PIP5K1B: variants seen among roughly 807,000 people sequenced by gnomAD.
The protein encoded by PIP5K1B is phosphatidylinositol-4-phosphate 5-kinase type 1 beta.
A neutral mutation model predicts 67.0 loss-of-function variants in PIP5K1B; 42 were observed. That is an observed-to-expected ratio of 0.63 (90% CI 0.49 to 0.81). PIP5K1B has a LOEUF of 0.81. Ranked by LOEUF, PIP5K1B falls within the 30% of genes least tolerant of loss-of-function variation. PIP5K1B has a pLI of 0.00. For synonymous variants in PIP5K1B, 214 were observed against 231.4 expected (o/e 0.92, Z 0.68); for missense variants, 459 against 646.3 (o/e 0.71, Z 3.14).
At chr9:68,898,340 G>C (rs1324539027) in intron 8 of PIP5K1B, among the ~76,000 whole-genome samples, 1 of 152,160 alleles carries the variant, frequency 6.6e-6, no homozygotes, top group Admixed American at 6.5e-5. Flanking sequence ...AAATGGATAT[G>C]TAAATGATGA....
intron 7 of PIP5K1B, among the ~76,000 whole-genome samples, chr9:68,893,764 A>G (rs1034404540): frequency 7.9e-5 from 12 of 152,254 alleles, no homozygotes; most frequent in African/African-American, 2.9e-4. Flanking sequence ...AAAAATGAGC[A>G]AAATTATCTT....
chr9:68,986,042 T>C (rs1190746246), intron 14 of PIP5K1B, among the ~76,000 whole-genome samples: 4 of 152,256 alleles, frequency 2.6e-5, no homozygotes, highest in Admixed American at 6.5e-5. Context: ...CTGGCTACTA[T>C]GAATAATGCT....
chr9:68,994,868 T>C (rs1209337735), intron 15 of PIP5K1B, among the ~76,000 whole-genome samples: 1 of 152,120 alleles, frequency 6.6e-6, no homozygotes, highest in South Asian at 2.1e-4. Context: ...AGGTTCATTC[T>C]AAATTACAAA....
At chr9:68,970,756 T>G (rs1407719959) in intron 14 of PIP5K1B, among the ~76,000 whole-genome samples, 1 of 152,240 alleles carries the variant, frequency 6.6e-6, no homozygotes, top group African/African-American at 2.4e-5. Flanking sequence ...GCGATTTTTC[T>G]GGGGTCCCAC....
intron 2 of PIP5K1B, among the ~76,000 whole-genome samples, chr9:68,766,850 T>C (rs1022215803): frequency 2.0e-5 from 3 of 152,134 alleles, no homozygotes; most frequent in African/African-American, 7.2e-5. Context: ...ACTATGGAGA[T>C]AGGTGAAGTA....
intron 2 of PIP5K1B, among the ~76,000 whole-genome samples, chr9:68,759,120 C>G (rs1830073260): frequency 6.6e-6 from 1 of 151,862 alleles, no homozygotes; most frequent in African/African-American, 2.4e-5. Context: ...GGAAATGATG[C>G]CAGAAAAGAA....
intron 2 of PIP5K1B, among the ~76,000 whole-genome samples, chr9:68,797,941 G>T (rs529223741): frequency 3.3e-5 from 5 of 152,274 alleles, no homozygotes; most frequent in Non-Finnish European, 7.4e-5. Context: ...AAATAGATAC[G>T]CTGTAAGAGA....
At chr9:68,880,193 G>T (rs1824110898) in intron 6 of PIP5K1B, among the ~76,000 whole-genome samples, 1 of 152,198 alleles carries the variant, frequency 6.6e-6, no homozygotes. Context: ...GTTGACGCTG[G>T]AAGATAGATA....
intron 4 of PIP5K1B, among the ~76,000 whole-genome samples, chr9:68,826,716 G>A (rs1036936122): frequency 1.3e-5 from 2 of 152,084 alleles, no homozygotes; most frequent in South Asian, 2.1e-4. Context: ...GACCCAAATC[G>A]GTGTTGAGTA....
chr9:69,001,494 AG>A (rs2133026353), intron 15 of PIP5K1B, among the ~76,000 whole-genome samples: 1 of 152,318 alleles, frequency 6.6e-6, no homozygotes, highest in South Asian at 2.1e-4. Context: ...TAATTAATAA[AG>A]GAAAGCGGTT....
intron 15 of PIP5K1B, among the ~76,000 whole-genome samples, chr9:69,003,650 G>A (rs1189146864): frequency 1.3e-5 from 2 of 152,130 alleles, no homozygotes; most frequent in African/African-American, 4.8e-5. Flanking sequence ...TTCTCGATAT[G>A]TTTGTAAGCC....
At chr9:68,945,241 G>T (rs536265590) in intron 14 of PIP5K1B, among the ~76,000 whole-genome samples, 1 of 152,180 alleles carries the variant, frequency 6.6e-6, no homozygotes, top group African/African-American at 2.4e-5. Flanking sequence ...CGCCTCCAGG[G>T]TACAAGTGAT....
At chr9:68,797,421 G>T (rs1400348984) in intron 2 of PIP5K1B, among the ~76,000 whole-genome samples, 1 of 152,194 alleles carries the variant, frequency 6.6e-6, no homozygotes, top group Non-Finnish European at 1.5e-5. Context: ...AACAAGAATT[G>T]CAATGTTGAT....
At chr9:68,898,622 AC>A in intron 8 of PIP5K1B, among the ~76,000 whole-genome samples, 1 of 152,162 alleles carries the variant, frequency 6.6e-6, no homozygotes, top group South Asian at 2.1e-4. Context: ...CCAGGCCTGC[AC>A]CTCTTCTAGT....
chr9:68,960,819 G>C (rs1828689465), intron 14 of PIP5K1B, among the ~76,000 whole-genome samples: 1 of 152,092 alleles, frequency 6.6e-6, no homozygotes. Flanking sequence ...CATAATCTTA[G>C]GTTATTCTAG....
At chr9:68,806,528 G>A (rs1284625726) in intron 2 of PIP5K1B, among the ~76,000 whole-genome samples, 1 of 152,160 alleles carries the variant, frequency 6.6e-6, no homozygotes, top group Non-Finnish European at 1.5e-5. Flanking sequence ...CTATTCAGAA[G>A]CCTTCAGCAG....
At chr9:68,823,475 TTCCCC>T (rs1204581334) in intron 4 of PIP5K1B, among the ~76,000 whole-genome samples, 2 of 152,236 alleles carry the variant, frequency 1.3e-5, no homozygotes, top group African/African-American at 4.8e-5. Context: ...GATGCTCCTC[TTCCCC>T]ACCTTTTCTA....
chr9:68,871,710 T>C (rs950253198), intron 5 of PIP5K1B, among the ~76,000 whole-genome samples: 1 of 152,220 alleles, frequency 6.6e-6, no homozygotes, highest in African/African-American at 2.4e-5. Context: ...ATAGGGATTG[T>C]AACGTGTGCT....
In PIP5K1B at chr9:68,710,718, G is replaced by A. The variant is rs140542832; in HGVS notation, c.-243+4956G>A. ...CAGTGCCTTGGTATTATCATTTTAA[G>A]TTAAAACAAACTAGCACTGGAATAA... On this transcript the variant is annotated intron_variant, in intron 1 of 15. Coordinates refer to ENST00000265382, the MANE Select transcript of PIP5K1B (RefSeq NM_003558.4). 1.5e-3 allele frequency among the ~76,000 whole-genome samples: 222 copies of A among 152,318 alleles called. 1 individual carries two copies. Among genetic ancestry groups the A allele is most frequent in the African/African-American group, 5.1e-3 (213 of 41,574 alleles).
Sources: gnomAD v4.1 joint callset for allele counts (sites outside exome capture counted in the v4.1 genomes callset) on GRCh38, gnomAD v4.1.1 for gene constraint, MANE v1.5 for transcripts, NCBI Gene and HGNC (gene_info 2026-07-23, HGNC 2026-07-21) for gene names.